Variants in RALGPS2 observed in about 807,000 individuals in gnomAD.
RALGPS2 encodes ras-specific guanine nucleotide-releasing factor RalGPS2.
RALGPS2 carries 43 observed loss-of-function variants against 86.8 expected under a neutral mutation model. That is an observed-to-expected ratio of 0.50 (90% CI 0.39 to 0.64). The LOEUF is 0.64. Ranked by LOEUF, RALGPS2 falls within the 30% of genes least tolerant of loss-of-function variation. The pLI is 0.00. For missense variants in RALGPS2, 536 were observed against 694.6 expected, an observed-to-expected ratio of 0.77 and a Z score of 2.57; for synonymous variants, 243 against 231.3, an observed-to-expected ratio of 1.05 and a Z score of -0.46.
At chr1:178,730,961 G>T (rs1361460571) in intron 1 of RALGPS2, among the ~76,000 whole-genome samples, 1 of 152,116 alleles carries the variant, frequency 6.6e-6, no homozygotes, top group Non-Finnish European at 1.5e-5. Flanking sequence ...GGCTCCCAGA[G>T]TGCTGGGATT....
chr1:178,761,383 C>T (rs372880424), intron 1 of RALGPS2, among the ~76,000 whole-genome samples: 2 of 150,460 alleles, frequency 1.3e-5, no homozygotes, highest in Non-Finnish European at 2.9e-5. Context: ...GAGCGGAGAT[C>T]GAGCCACTGC....
chr1:178,785,601 A>G lies in RALGPS2; in HGVS notation c.207A>G (p.Gln69=), dbSNP rs1653611535. 3 of 1,584,922 alleles carry G rather than the reference A, an allele frequency of 1.9e-6. No individual in the cohort carries two copies. Among genetic ancestry groups the G allele is most frequent in the Admixed American group, 1.8e-5 (1 of 55,696 alleles). The stretch of plus-strand genomic sequence containing the variant: ...ATGTTCCAGTATTTAAAGCTATTCA[A>G]CCAGATGTAAGTAGTTTTGAGAATG... ...LMDVPVFKAI[Q]PDELSSCGWN... is the part of the protein sequence containing the mutation. The change falls in exon 4 of 20, where the codon CAA becomes CAG. Residue 69 remains glutamine (Q), a synonymous_variant. Coordinates refer to ENST00000367635, the MANE Select transcript of RALGPS2 (RefSeq NM_152663.5).
Position 178,831,344 on chromosome 1 carries a change from C to G in RALGPS2, c.481-2080C>G, listed in dbSNP as rs181385249. Among the ~76,000 whole-genome samples, 615 of 152,308 alleles carry G rather than the reference C, an allele frequency of 4.0e-3. 1 individual carries two copies. The highest frequency in any genetic ancestry group is 5.4e-3 in the Non-Finnish European group (367 of 68,030). On this transcript the variant is annotated intron_variant, in intron 7 of 19. Coordinates refer to ENST00000367635, the MANE Select transcript of RALGPS2 (RefSeq NM_152663.5). ...ATTCATTTATGCAGTTGCACACATT[C>G]ACACATATTGTGTGAAGATACAAAC...
intron 4 of RALGPS2, among the ~76,000 whole-genome samples, chr1:178,805,875 C>T (rs1288588454): frequency 6.6e-6 from 1 of 151,862 alleles, no homozygotes; most frequent in Non-Finnish European, 1.5e-5. Context: ...TCTTTGTATC[C>T]ATCACTAAAT....
intron 8 of RALGPS2, chr1:178,864,935 A>G (rs2102334823): frequency 1.4e-6 from 2 of 1,404,598 alleles, no homozygotes; most frequent in South Asian, 4.1e-5. Context: ...CCCACTTTTT[A>G]CAGTAAGAGG....
intron 8 of RALGPS2, among the ~76,000 whole-genome samples, chr1:178,837,189 C>CA (rs1280129775): frequency 6.6e-6 from 1 of 152,174 alleles, no homozygotes; most frequent in East Asian, 1.9e-4. Flanking sequence ...CTTTGTATAT[C>CA]ACTGTATATT....
intron 6 of RALGPS2, among the ~76,000 whole-genome samples, chr1:178,816,861 A>T (rs906524929): frequency 1.3e-5 from 2 of 151,826 alleles, no homozygotes; most frequent in African/African-American, 4.8e-5. Flanking sequence ...GGCATGCACC[A>T]CCACGCCCAG....
rs555784407 is a variant in RALGPS2 at position 178,748,429 on chromosome 1, C to A, written c.-84+23010C>A. ...TCACAGCAGCTTTATTTATGATAGTCACAAACTGGAAAAAATGGATAAACA... is the reference window on the plus strand; with the variant it reads ...TCACAGCAGCTTTATTTATGATAGTAACAAACTGGAAAAAATGGATAAACA... On this transcript the variant is annotated intron_variant, in intron 1 of 19. Coordinates refer to ENST00000367635, the MANE Select transcript of RALGPS2 (RefSeq NM_152663.5). 4.6e-5 allele frequency among the ~76,000 whole-genome samples: 7 copies of A among 152,196 alleles called. No homozygotes were observed. The East Asian group carries it at 1.4e-3, about 29-fold the overall frequency.
rs1168828184 is a variant in RALGPS2 at position 178,921,769 on chromosome 1, A to G, written c.*5410A>G. ...AGTGTGCGATCTTCAGTGTGTCTGCATAAGCTAACTTAAGATGAATTTAAG... is the reference window on the plus strand; with the variant it reads ...AGTGTGCGATCTTCAGTGTGTCTGCGTAAGCTAACTTAAGATGAATTTAAG... On this transcript the variant is annotated 3_prime_UTR_variant, in exon 20 of 20. Coordinates refer to ENST00000367635, the MANE Select transcript of RALGPS2 (RefSeq NM_152663.5). 6.6e-6 allele frequency: 1 copy of G among 152,068 alleles called. No homozygotes were observed. Among genetic ancestry groups the G allele is most frequent in the Non-Finnish European group, 1.5e-5 (1 of 67,950 alleles). 9.4% of individuals were successfully genotyped at this position (152,068 alleles called of 1,614,324 possible).
chr1:178,728,716 T>C (rs1310894125), intron 1 of RALGPS2, among the ~76,000 whole-genome samples: 1 of 152,146 alleles, frequency 6.6e-6, no homozygotes, highest in Admixed American at 6.5e-5. Flanking sequence ...AATTTCCTAT[T>C]GAATCCTTTT....
At chr1:178,741,424 T>C (rs1651019809) in intron 1 of RALGPS2, among the ~76,000 whole-genome samples, 1 of 152,228 alleles carries the variant, frequency 6.6e-6, no homozygotes, top group African/African-American at 2.4e-5. Flanking sequence ...CAATTCTTTC[T>C]TTTTAAATGA....
chr1:178,823,101 C>G (rs1655586853), intron 7 of RALGPS2, among the ~76,000 whole-genome samples: 1 of 152,216 alleles, frequency 6.6e-6, no homozygotes, highest in African/African-American at 2.4e-5. Context: ...GGATTACAGG[C>G]ATGAGCCATT....
intron 1 of RALGPS2, among the ~76,000 whole-genome samples, chr1:178,765,473 C>T (rs1652456958): frequency 6.6e-6 from 1 of 152,114 alleles, no homozygotes; most frequent in Admixed American, 6.5e-5. Context: ...TCACATGCTT[C>T]ACAAGGTAAT....
chr1:178,843,529 G>A lies in RALGPS2; in HGVS notation c.607+9979G>A, dbSNP rs561704861. Among the ~76,000 whole-genome samples, 154 of 145,934 alleles carry A rather than the reference G, an allele frequency of 1.1e-3. 1 individual carries two copies. The highest frequency in any genetic ancestry group is 3.6e-3 in the African/African-American group (142 of 39,346). On this transcript the variant is annotated intron_variant, in intron 8 of 19. Transcript: ENST00000367635. Reference sequence around the variant, plus strand: ...GGGGTGGGGGGAGGGGGGAGGGATAGCATTGGGAGATATACCTAATGCTAG... The same window carrying A: ...GGGGTGGGGGGAGGGGGGAGGGATAACATTGGGAGATATACCTAATGCTAG...
chr1:178,891,021 A>G (rs1336598905), intron 14 of RALGPS2, among the ~76,000 whole-genome samples: 1 of 152,066 alleles, frequency 6.6e-6, no homozygotes, highest in Non-Finnish European at 1.5e-5. Flanking sequence ...AAAAATATTG[A>G]TTAACCAAAT....
At chr1:178,846,964 CTG>C (rs1656894730) in intron 8 of RALGPS2, among the ~76,000 whole-genome samples, 1 of 152,292 alleles carries the variant, frequency 6.6e-6, no homozygotes, top group East Asian at 1.9e-4. Context: ...GGTGAAGAAA[CTG>C]AGACAAAGGA....
At chr1:178,769,337 C>T (rs999187923) in intron 1 of RALGPS2, among the ~76,000 whole-genome samples, 4 of 152,042 alleles carry the variant, frequency 2.6e-5, no homozygotes, top group African/African-American at 9.7e-5. Context: ...CAAGCAGGTG[C>T]TCCAAATGCT....
chr1:178,864,305 A>G (rs1658235370), intron 8 of RALGPS2, among the ~76,000 whole-genome samples: 1 of 152,088 alleles, frequency 6.6e-6, no homozygotes, highest in Non-Finnish European at 1.5e-5. Context: ...GAACATTTAT[A>G]TTTCTTAGGA....
Position 178,916,459 on chromosome 1 carries a change from C to CT in RALGPS2, c.*100_*101insT. 13 of 1,146,814 alleles carry CT rather than the reference C, an allele frequency of 1.1e-5. No homozygotes were observed. Among genetic ancestry groups the CT allele is most frequent in the Non-Finnish European group, 1.6e-5 (13 of 802,968 alleles). 71.0% of individuals were successfully genotyped at this position (1,146,814 alleles called of 1,614,324 possible). ...TAAACCATCCTGTGCCAGGAAGAGC[C>CT]CAGAGGCTCTGTCTCAGTCGTTGGA... On this transcript the variant is annotated 3_prime_UTR_variant, in exon 20 of 20. Transcript: ENST00000367635.
Sources: allele counts gnomAD v4.1 joint callset (sites outside exome capture counted in the v4.1 genomes callset), GRCh38; gene constraint gnomAD v4.1.1; transcripts MANE v1.5; gene names NCBI Gene and HGNC (gene_info 2026-07-23, HGNC 2026-07-21).